Variants in PDLIM1 observed in about 807,000 individuals in gnomAD.
The protein encoded by PDLIM1 is PDZ and LIM domain 1, also known as PDZ and LIM domain protein 1.
Under a neutral mutation model 35.2 loss-of-function variants are expected in PDLIM1, and 25 were observed. The ratio of observed to expected loss-of-function variants is 0.71; its 90% CI spans 0.52 to 0.99. The LOEUF is 0.99. Ranked by LOEUF, PDLIM1 falls within the 50% of genes least tolerant of loss-of-function variation. The probability of loss-of-function intolerance (pLI) is 0.00; values close to 1 mark genes in which losing one functional copy is unlikely to be tolerated. For missense variants in PDLIM1, 363 were observed against 415.3 expected, an observed-to-expected ratio of 0.87 and a Z score of 1.09; for synonymous variants, 152 against 154.0, an observed-to-expected ratio of 0.99 and a Z score of 0.10.
At chr10:95,283,741 T>C (rs2035578356) in intron 1 of PDLIM1, among the ~76,000 whole-genome samples, 1 of 152,196 alleles carries the variant, frequency 6.6e-6, no homozygotes, top group Non-Finnish European at 1.5e-5. Flanking sequence ...ACAGCACAAA[T>C]GGTAACGATA....
intron 1 of PDLIM1, among the ~76,000 whole-genome samples, chr10:95,278,317 A>T (rs2035531021): frequency 6.6e-6 from 1 of 152,222 alleles, no homozygotes; most frequent in South Asian, 2.1e-4. Context: ...TACATTAGGC[A>T]ATTCAGGCAG....
chr10:95,256,693 T>C (rs2035313016), intron 4 of PDLIM1, among the ~76,000 whole-genome samples: 1 of 152,042 alleles, frequency 6.6e-6, no homozygotes, highest in Non-Finnish European at 1.5e-5. Context: ...ATAATTTGGC[T>C]GGAGACAGTG....
chr10:95,273,705 T>A (rs1440175664), intron 1 of PDLIM1, among the ~76,000 whole-genome samples: 1 of 152,110 alleles, frequency 6.6e-6, no homozygotes, highest in South Asian at 2.1e-4. Flanking sequence ...CGTCCCCTCA[T>A]CCAGCCACTG....
chr10:95,275,107 C>A (rs760066197), intron 1 of PDLIM1, among the ~76,000 whole-genome samples: 51 of 152,246 alleles, frequency 3.3e-4, no homozygotes, highest in African/African-American at 1.2e-3. Context: ...TGGCCTTTTG[C>A]GATGTCCTTT....
chr10:95,257,545 G>C (rs577776565), intron 4 of PDLIM1, among the ~76,000 whole-genome samples: 14 of 152,246 alleles, frequency 9.2e-5, no homozygotes, highest in African/African-American at 3.4e-4. Flanking sequence ...ACAAGCATAT[G>C]AAAAGATACT....
In PDLIM1 at chr10:95,264,033, G is replaced by T. The variant is rs746070320; in HGVS notation, c.364C>A (p.Arg122=). 6.2e-7 allele frequency: 1 copy of T among 1,613,684 alleles called. No individual in the cohort carries two copies. Among genetic ancestry groups the T allele is most frequent in the Non-Finnish European group, 8.5e-7 (1 of 1,179,854 alleles). ...GAGGCGGTAAAGGGCATGGCACTTC[G>T]GTTGTGGGCGCTTCCTATGTGCAGG... is the stretch of plus-strand genomic sequence containing the variant. ...EVLHIGSAHN[R]SAMPFTASPA... The change falls in exon 4 of 7, where the codon CGA becomes AGA. Residue 122 remains arginine, a synonymous_variant. Coordinates refer to ENST00000329399, the MANE Select transcript of PDLIM1 (RefSeq NM_020992.4).
intron 2 of PDLIM1, 30 bp from the exon 3 acceptor site, chr10:95,268,892 A>G: frequency 2.0e-6 from 3 of 1,470,084 alleles, no homozygotes; most frequent in Non-Finnish European, 2.9e-6. Flanking sequence ...CTGCTGTTTC[A>G]CTCATGTAAA....
intron 5 of PDLIM1, among the ~76,000 whole-genome samples, chr10:95,240,552 A>G (rs1388605720): frequency 6.6e-6 from 1 of 152,214 alleles, no homozygotes; most frequent in Non-Finnish European, 1.5e-5. Context: ...GCTGGGCTTA[A>G]TATCTAGGTG....
intron 5 of PDLIM1, among the ~76,000 whole-genome samples, chr10:95,241,114 C>A (rs2035174321): frequency 1.3e-5 from 2 of 152,330 alleles, no homozygotes; most frequent in African/African-American, 2.4e-5. Flanking sequence ...TGACTGCAGT[C>A]ACGTCGGGCA....
chr10:95,248,527 C>T (rs761806465), intron 4 of PDLIM1, among the ~76,000 whole-genome samples: 11 of 152,238 alleles, frequency 7.2e-5, no homozygotes, highest in Non-Finnish European at 8.8e-5. Flanking sequence ...GGATTATAGG[C>T]ATGGGCCAGA....
chr10:95,268,510 C>A (rs1024307785), intron 3 of PDLIM1, among the ~76,000 whole-genome samples: 2 of 152,158 alleles, frequency 1.3e-5, no homozygotes, highest in Non-Finnish European at 2.9e-5. Flanking sequence ...CCTTCCCACG[C>A]AGGAAGGCTT....
chr10:95,246,350 T>C (rs950852857), intron 5 of PDLIM1, among the ~76,000 whole-genome samples: 24 of 152,336 alleles, frequency 1.6e-4, no homozygotes, highest in African/African-American at 5.8e-4. Flanking sequence ...TGTTATTAAG[T>C]GAAGATACTT....
rs563643221 is a variant in PDLIM1 at position 95,247,340 on chromosome 10, C to G, written c.560G>C (p.Ser187Thr). The change falls in exon 5 of 7, where the codon AGC becomes ACC. Residue 187 changes from serine to threonine, a missense_variant. Transcript: ENST00000329399. ...RPLDHAQPPS[S>T]LVIDKESEVY... The stretch of plus-strand genomic sequence containing the variant: ...TTCAGATTCTTTGTCGATGACAAGG[C>G]TGCTTGGAGGCTGAGCATGGTCTAA... 2 of 1,613,954 alleles carry G rather than the reference C, an allele frequency of 1.2e-6. No individual in the cohort carries two copies. The highest frequency in any genetic ancestry group is 2.2e-5 in the South Asian group (2 of 91,030).
At chr10:95,277,586 T>A (rs1417920803) in intron 1 of PDLIM1, among the ~76,000 whole-genome samples, 1 of 151,666 alleles carries the variant, frequency 6.6e-6, no homozygotes, top group Non-Finnish European at 1.5e-5. Flanking sequence ...GAGGTTGCAG[T>A]GAGCCGAGAT....
At chr10:95,257,494 T>C (rs2035327164) in intron 4 of PDLIM1, among the ~76,000 whole-genome samples, 1 of 151,698 alleles carries the variant, frequency 6.6e-6, no homozygotes, top group African/African-American at 2.4e-5. Flanking sequence ...GATTAAAAAA[T>C]GATCAAAGGA....
chr10:95,238,076 T>C lies in PDLIM1; in HGVS notation c.839A>G (p.His280Arg). 6.2e-7 allele frequency: 1 copy of C among 1,614,040 alleles called. No homozygotes were observed. The highest frequency in any genetic ancestry group is 8.5e-7 in the Non-Finnish European group (1 of 1,179,992). The part of the protein sequence containing the change: ...VFVKLRDRHR[H>R]PECYVCTDCG... ...GTCAGTGCACACATAACACTCAGGG[T>C]GGCGGTGACGGTCCCGCAGCTTCAC... The change falls in exon 7 of 7, where the codon CAC becomes CGC. Residue 280 changes from histidine to arginine, a missense_variant. Coordinates refer to ENST00000329399, the MANE Select transcript of PDLIM1 (RefSeq NM_020992.4).
At chr10:95,259,678 A>G (rs578043502) in intron 4 of PDLIM1, among the ~76,000 whole-genome samples, 19 of 152,352 alleles carry the variant, frequency 1.2e-4, no homozygotes, top group African/African-American at 3.1e-4. Flanking sequence ...CCTTCATGAT[A>G]GAGGTGTACT....
At chr10:95,247,182 CAA>C in intron 5 of PDLIM1, 31 bp downstream of exon 5, 1 of 1,595,046 alleles carries the variant, frequency 6.3e-7, no homozygotes, top group Non-Finnish European at 8.5e-7. Context: ...TGACCTTGAA[CAA>C]GAGCCTCTGA....
intron 5 of PDLIM1, among the ~76,000 whole-genome samples, chr10:95,246,857 G>T (rs2035225896): frequency 6.6e-6 from 1 of 152,164 alleles, no homozygotes; most frequent in Non-Finnish European, 1.5e-5. Context: ...AAGTTCCTCA[G>T]CCACTACCAA....
Sources: gnomAD v4.1 joint callset for allele counts (sites outside exome capture counted in the v4.1 genomes callset) on GRCh38, gnomAD v4.1.1 for gene constraint, MANE v1.5 for transcripts, NCBI Gene and HGNC (gene_info 2026-07-23, HGNC 2026-07-21) for gene names.